The following WASHC4 variants were observed in gnomAD, a reference collection of about 807,000 sequenced individuals.
WASHC4 encodes the protein WASH complex subunit 4.
WASHC4 carries 86 observed loss-of-function variants against 166.6 expected under a neutral mutation model. The observed-to-expected ratio is 0.52, with a 90% CI of 0.43 to 0.62. WASHC4 has a LOEUF of 0.62. WASHC4 is among the 20% of genes least tolerant of loss of function. The probability of loss-of-function intolerance (pLI) is 0.00; values close to 1 mark genes in which losing one functional copy is unlikely to be tolerated. For missense variants in WASHC4, 1,262 were observed against 1,382.4 expected, an observed-to-expected ratio of 0.91 and a Z score of 1.38; for synonymous variants, 446 against 451.6, an observed-to-expected ratio of 0.99 and a Z score of 0.16.
At chr12:105,164,612 T>C in intron 31 of WASHC4, 29 bp from the exon 32 acceptor site, 5 of 1,533,640 alleles carry the variant, frequency 3.3e-6, no homozygotes, top group Non-Finnish European at 4.5e-6. Context: ...TATTTTTGGT[T>C]TTTATTTCAA....
At chr12:105,143,372 T>TA (rs1883026847) in intron 20 of WASHC4, 129 bp downstream of exon 20, 1 of 624,466 alleles carries the variant, frequency 1.6e-6, no homozygotes, top group Non-Finnish European at 2.9e-6. Context: ...AACAAAGAAC[T>TA]ATTTTTAGTT....
Position 105,122,386 on chromosome 12 carries a change from A to T in WASHC4, c.786+148A>T. The T allele has an allele frequency of 5.2e-6, 4 of 761,944 alleles. No individual in the cohort carries two copies. In the South Asian group the frequency reaches 7.0e-5, roughly 13 times the overall value. 47.2% of individuals were successfully genotyped at this position (761,944 alleles called of 1,614,324 possible). A position where few individuals can be genotyped will look rare whatever the true frequency, so the allele number is the denominator to read the frequency against. On this transcript the variant is annotated intron_variant, in intron 10 of 32. Transcript: ENST00000332180. Reference sequence around the variant, plus strand: ...TTAAAATTATTGTTACAGTACTAAAATATTTCTGTATCTAGTAGCCAACAA... The same window carrying T: ...TTAAAATTATTGTTACAGTACTAAATTATTTCTGTATCTAGTAGCCAACAA...
intron 24 of WASHC4, chr12:105,147,949 A>T: frequency 1.0e-6 from 1 of 985,250 alleles, no homozygotes; most frequent in Non-Finnish European, 1.2e-6. Context: ...ATTCACTTGA[A>T]GGAATTATTT....
At chr12:105,156,630 T>C (rs1029536891) in intron 26 of WASHC4, 96 bp from the exon 27 acceptor site, 17 of 1,036,950 alleles carry the variant, frequency 1.6e-5, no homozygotes, top group Non-Finnish European at 2.5e-5. Flanking sequence ...TTCTTAGGAG[T>C]GGAAACCTTG....
At position 105,162,820 on chromosome 12, in the gene WASHC4, C is replaced by T. The variant is rs765995125; in HGVS notation, c.3132C>T (p.Ala1044=). ...ATAAAAAAAATAAAATTGGAGCTGC[C>T]TTTACTGATGATGGCTTTGCCATGG... The part of the protein sequence containing the change: ...KLNKKNKIGA[A]FTDDGFAMGV... The change falls in exon 30 of 33, where the codon GCC becomes GCT. Residue 1044 remains alanine (A), a synonymous_variant. Transcript: ENST00000332180. The T allele has an allele frequency of 3.8e-6, 6 of 1,596,606 alleles. No individual in the cohort carries two copies. Among genetic ancestry groups the T allele is most frequent in the South Asian group, 1.1e-5 (1 of 90,332 alleles).
chr12:105,109,152 A>T (rs1303397928), intron 1 of WASHC4, among the ~76,000 whole-genome samples: 1 of 152,198 alleles, frequency 6.6e-6, no homozygotes, highest in Non-Finnish European at 1.5e-5. Context: ...CATAAAAATT[A>T]ACCTTGGAGA....
At chr12:105,121,914 A>G (rs1183505192) in intron 9 of WASHC4, among the ~76,000 whole-genome samples, 2 of 152,140 alleles carry the variant, frequency 1.3e-5, no homozygotes, top group Non-Finnish European at 2.9e-5. Flanking sequence ...AATGTCTGGT[A>G]TGTACAGATT....
At chr12:105,140,850 C>T in intron 16 of WASHC4, 49 bp from the exon 17 acceptor site, 2 of 1,573,034 alleles carry the variant, frequency 1.3e-6, no homozygotes, top group Non-Finnish European at 1.7e-6. Flanking sequence ...TCTTCTGAGT[C>T]TTTTGTTACT....
chr12:105,114,118 A>G (rs910926144), intron 2 of WASHC4, 98 bp from the exon 3 acceptor site: 97 of 1,071,140 alleles, frequency 9.1e-5, no homozygotes, highest in Non-Finnish European at 1.3e-4. Context: ...AGGATCTAAC[A>G]CAAGTTTAAG....
intron 18 of WASHC4, 136 bp downstream of exon 18, chr12:105,141,382 A>G: frequency 1.3e-6 from 1 of 758,578 alleles, no homozygotes; most frequent in Non-Finnish European, 2.4e-6. Context: ...CTTTAGCATG[A>G]CCAAAATGAG....
chr12:105,160,372 G>A (rs1884422550), intron 29 of WASHC4, among the ~76,000 whole-genome samples: 2 of 152,024 alleles, frequency 1.3e-5, no homozygotes, highest in South Asian at 2.1e-4. Flanking sequence ...TTCTGAGATG[G>A]GGTCTTGCCC....
rs141120413 is a variant in WASHC4 at position 105,118,077 on chromosome 12, T to C, written c.436-369T>C. Among the ~76,000 whole-genome samples the C allele has an allele frequency of 1.5e-3, 234 of 152,314 alleles. 1 individual carries two copies. The highest frequency in any genetic ancestry group is 5.4e-3 in the African/African-American group (224 of 41,578). ...CTTCACTCACTCAGATGTTTATTCA[T>C]GTAATAGGGTAGAAATTTATTGAGA... On this transcript the variant is annotated intron_variant, in intron 6 of 32. Coordinates refer to ENST00000332180, the MANE Select transcript of WASHC4 (RefSeq NM_015275.3).
rs184056672 is a variant in WASHC4, at chr12:105,168,670, C to T, written c.*1739C>T. ...GTTCACATGCTGACTCCCTGGATAC[C>T]TACAGTTGAGAAGAAAATGACAGAC... On this transcript the variant is annotated 3_prime_UTR_variant, in exon 33 of 33. Transcript: ENST00000332180. 2.2e-4 allele frequency: 34 copies of T among 151,582 alleles called. No homozygotes were observed. Among genetic ancestry groups the T allele is most frequent in the African/African-American group, 7.5e-4 (31 of 41,356 alleles). The allele number at this position is 151,582 out of a possible 1,614,324, so 9.4% of individuals were successfully genotyped here.
chr12:105,148,594 T>C, intron 24 of WASHC4: 1 of 985,146 alleles, frequency 1.0e-6, no homozygotes, highest in Non-Finnish European at 1.2e-6. Flanking sequence ...CAAAAGACTG[T>C]TAAAGAGATT....
chr12:105,144,252 T>C (rs1350818513), intron 20 of WASHC4, 35 bp from the exon 21 acceptor site: 2 of 1,562,084 alleles, frequency 1.3e-6, no homozygotes, highest in East Asian at 2.2e-5. Flanking sequence ...CAATATCATT[T>C]TGAAAAATTA....
chr12:105,144,066 G>C (rs1409564403), intron 20 of WASHC4, among the ~76,000 whole-genome samples: 6 of 151,344 alleles, frequency 4.0e-5, no homozygotes, highest in Non-Finnish European at 7.4e-5. Context: ...GCTTTAAGTT[G>C]CATATTCATG....
At chr12:105,155,802 A>C (rs1267831737) in intron 26 of WASHC4, among the ~76,000 whole-genome samples, 1 of 152,184 alleles carries the variant, frequency 6.6e-6, no homozygotes. Flanking sequence ...AGATCATACC[A>C]CTGTACTCCA....
At chr12:105,125,747 C>T (rs774964023) in intron 10 of WASHC4, among the ~76,000 whole-genome samples, 41 of 152,026 alleles carry the variant, frequency 2.7e-4, no homozygotes, top group Non-Finnish European at 5.2e-4. Flanking sequence ...GTGTGTATCT[C>T]TTTATACAGG....
chr12:105,122,102 C>T lies in WASHC4; in HGVS notation c.666-16C>T, dbSNP rs562869128. On this transcript the variant is annotated splice_polypyrimidine_tract_variant and intron_variant, in intron 9 of 32. Transcript: ENST00000332180. ...TATTAGGTAGATTTAAGATGTTTCT[C>T]TTAATTTTCCTCAAGGTTACTGAAA... 1.3e-6 allele frequency: 2 copies of T among 1,576,150 alleles called. No individual in the cohort carries two copies. Among genetic ancestry groups the T allele is most frequent in the Admixed American group, 3.3e-5 (2 of 59,792 alleles).
Sources: allele counts gnomAD v4.1 joint callset (sites outside exome capture counted in the v4.1 genomes callset), GRCh38; gene constraint gnomAD v4.1.1; transcripts MANE v1.5; gene names NCBI Gene and HGNC (gene_info 2026-07-23, HGNC 2026-07-21).